The following UHRF2 variants were observed in gnomAD, a reference collection of about 807,000 sequenced individuals.
The protein encoded by UHRF2 is E3 ubiquitin-protein ligase UHRF2.
Under a neutral mutation model 96.8 loss-of-function variants are expected in UHRF2, and 23 were observed. The ratio of observed to expected loss-of-function variants is 0.24; its 90% CI spans 0.17 to 0.34. The LOEUF (loss-of-function observed/expected upper bound fraction) is 0.34, where lower values mean the gene tolerates loss of function less well. Among genes scored for constraint, UHRF2 ranks in the 10% least tolerant of loss-of-function variants. UHRF2 has a pLI of 1.00. For synonymous variants in UHRF2, 385 were observed against 332.6 expected, an observed-to-expected ratio of 1.16 and a Z score of -1.72; for missense variants, 685 against 981.5, an observed-to-expected ratio of 0.70 and a Z score of 4.04.
chr9:6,496,320 A>G (rs143559897), intron 10 of UHRF2: 2 of 152,338 alleles, frequency 1.3e-5, no homozygotes, highest in African/African-American at 4.8e-5. Context: ...TCCTAGAGGA[A>G]AATGCTAATT....
intron 9 of UHRF2, among the ~76,000 whole-genome samples, chr9:6,488,491 C>T (rs911884584): frequency 6.7e-6 from 1 of 150,270 alleles, no homozygotes; most frequent in Non-Finnish European, 1.5e-5. Context: ...GTAGCCCCCC[C>T]ACTGCTTCTT....
rs1056297934 is a variant in UHRF2 at position 6,499,867 on chromosome 9, G to C, written c.1941G>C (p.Gly647=). ...CAGGTTACCCTTCAGATAAAGAAGG[G>C]AAGAAGCCTAAAGGACAGTCAAAGA... The part of the protein sequence containing the change: ...YPAGYPSDKE[G]KKPKGQSKKQ... The change falls in exon 13 of 16, where the codon GGG becomes GGC. Residue 647 remains glycine (G), a synonymous_variant. Coordinates refer to ENST00000276893, the MANE Select transcript of UHRF2 (RefSeq NM_152896.3). 3.4e-5 allele frequency: 55 copies of C among 1,611,642 alleles called. No homozygotes were observed. The highest frequency in any genetic ancestry group is 4.6e-5 in the Non-Finnish European group (54 of 1,178,834).
intron 10 of UHRF2, 79 bp from the exon 11 acceptor site, chr9:6,497,119 C>A: frequency 7.7e-7 from 1 of 1,302,908 alleles, no homozygotes; most frequent in Non-Finnish European, 1.1e-6. Context: ...GTATAATTCA[C>A]CTTTTAATTG....
intron 3 of UHRF2, among the ~76,000 whole-genome samples, chr9:6,452,298 C>G (rs940845156): frequency 6.6e-6 from 1 of 152,136 alleles, no homozygotes; most frequent in East Asian, 1.9e-4. Context: ...GTCCAGGATA[C>G]AGTCCTAGAG....
chr9:6,421,519 C>G (rs1819928833), intron 2 of UHRF2, among the ~76,000 whole-genome samples: 1 of 152,132 alleles, frequency 6.6e-6, no homozygotes, highest in Non-Finnish European at 1.5e-5. Context: ...CAGGTTCAAG[C>G]AAATCTCCTG....
chr9:6,482,759 G>A (rs1426207939), intron 8 of UHRF2, among the ~76,000 whole-genome samples: 4 of 151,998 alleles, frequency 2.6e-5, no homozygotes, highest in African/African-American at 9.7e-5. Flanking sequence ...ACCACGCCTG[G>A]CTAATTTCTT....
intron 3 of UHRF2, among the ~76,000 whole-genome samples, chr9:6,458,925 G>C (rs976843576): frequency 6.6e-6 from 1 of 152,184 alleles, no homozygotes; most frequent in African/African-American, 2.4e-5. Context: ...CAGGGACATA[G>C]ATCAAGCTGG....
At chr9:6,428,554 T>TAATGA in intron 2 of UHRF2, among the ~76,000 whole-genome samples, 2 of 120,520 alleles carry the variant, frequency 1.7e-5, no homozygotes, top group African/African-American at 6.8e-5. Context: ...TTTTTTTTTT[T>TAATGA]TTTTTTTTTT....
intron 3 of UHRF2, among the ~76,000 whole-genome samples, chr9:6,446,162 T>TC: frequency 6.7e-6 from 1 of 149,722 alleles, no homozygotes; most frequent in South Asian, 2.1e-4. Context: ...CTGGATAATT[T>TC]TTTTTTTTTT....
chr9:6,452,243 A>G (rs1587815116), intron 3 of UHRF2, among the ~76,000 whole-genome samples: 2 of 152,178 alleles, frequency 1.3e-5, no homozygotes, highest in Non-Finnish European at 2.9e-5. Context: ...CAAATAGTGC[A>G]GCTATAAATA....
At chr9:6,488,999 G>T (rs1479861767) in intron 9 of UHRF2, among the ~76,000 whole-genome samples, 2 of 151,708 alleles carry the variant, frequency 1.3e-5, no homozygotes, top group African/African-American at 4.8e-5. Context: ...TAGTATAGGT[G>T]GGGTTTCACC....
intron 9 of UHRF2, among the ~76,000 whole-genome samples, chr9:6,491,188 T>A (rs1024401523): frequency 1.3e-5 from 2 of 152,208 alleles, no homozygotes; most frequent in African/African-American, 4.8e-5. Context: ...TGAGAAGTAG[T>A]TTGCTCAGTG....
intron 3 of UHRF2, among the ~76,000 whole-genome samples, chr9:6,434,556 A>G (rs1055535249): frequency 2.0e-5 from 3 of 152,050 alleles, no homozygotes; most frequent in Admixed American, 1.3e-4. Flanking sequence ...CTCCTGCCTC[A>G]GCCTCCCAAG....
In UHRF2 at chr9:6,433,781, ATTAACCACT is replaced by A. The variant is rs1435554816; in HGVS notation, c.385-128_385-120del. On this transcript the variant is annotated intron_variant, in intron 2 of 15. Coordinates refer to ENST00000276893, the MANE Select transcript of UHRF2 (RefSeq NM_152896.3). ...GAAAGAATAGTTTTGATCTAATCTT[ATTAACCACT>A]TTAAACATGAGTAGCTGCAAATATT... 7 of 867,248 alleles carry A rather than the reference ATTAACCACT, an allele frequency of 8.1e-6. No homozygotes were observed. In the Admixed American group the frequency reaches 2.0e-4, roughly 25 times the overall value. 53.7% of individuals were successfully genotyped at this position (867,248 alleles called of 1,614,324 possible).
chr9:6,441,000 T>C (rs188818591), intron 3 of UHRF2, among the ~76,000 whole-genome samples: 202 of 152,328 alleles, frequency 1.3e-3, no homozygotes, highest in African/African-American at 4.5e-3. Context: ...TTCTAATGTC[T>C]AGCCATGGTT....
At chr9:6,475,153 T>C (rs1823488215) in intron 4 of UHRF2, among the ~76,000 whole-genome samples, 1 of 152,212 alleles carries the variant, frequency 6.6e-6, no homozygotes, top group Non-Finnish European at 1.5e-5. Flanking sequence ...TAGCTACTTC[T>C]TACCAGATTA....
chr9:6,458,128 C>T (rs540326833), intron 3 of UHRF2, among the ~76,000 whole-genome samples: 2 of 152,296 alleles, frequency 1.3e-5, no homozygotes, highest in South Asian at 4.1e-4. Flanking sequence ...GCTGTGAATC[C>T]GTCTAGTCCT....
chr9:6,452,553 A>T (rs150087216), intron 3 of UHRF2, among the ~76,000 whole-genome samples: 9 of 152,274 alleles, frequency 5.9e-5, no homozygotes, highest in Non-Finnish European at 1.3e-4. Flanking sequence ...AAAGATGGGG[A>T]AGTGTGTTGG....
At chr9:6,442,961 C>A (rs1821265951) in intron 3 of UHRF2, among the ~76,000 whole-genome samples, 1 of 152,120 alleles carries the variant, frequency 6.6e-6, no homozygotes, top group Admixed American at 6.6e-5. Context: ...TTGTTAGTGA[C>A]TTGCTTTTCC....
Sources: gnomAD v4.1 joint callset for allele counts (sites outside exome capture counted in the v4.1 genomes callset) on GRCh38, gnomAD v4.1.1 for gene constraint, MANE v1.5 for transcripts, NCBI Gene and HGNC (gene_info 2026-07-23, HGNC 2026-07-21) for gene names.